SH3PXD2B: variants seen among roughly 807,000 people sequenced by gnomAD.
SH3PXD2B encodes the protein SH3 and PX domain-containing protein 2B.
In SH3PXD2B, 37 loss-of-function variants were observed where a neutral mutation model predicts 73.1. The observed-to-expected ratio is 0.51, with a 90% CI of 0.39 to 0.67. The LOEUF (loss-of-function observed/expected upper bound fraction) is 0.67. SH3PXD2B is among the 30% of genes least tolerant of loss of function. The probability of loss-of-function intolerance (pLI) is 0.00; values close to 1 mark genes in which losing one functional copy is unlikely to be tolerated. For synonymous variants in SH3PXD2B, 457 were observed against 480.5 expected (o/e 0.95, Z 0.64); for missense variants, 1,053 against 1,197.8 (o/e 0.88, Z 1.78).
chr5:172,383,437 T>C (rs183547582), intron 4 of SH3PXD2B, among the ~76,000 whole-genome samples: 112 of 152,348 alleles, frequency 7.4e-4, no homozygotes, highest in Non-Finnish European at 1.3e-3. Flanking sequence ...CTAGTTTCTG[T>C]GCCAAATACA....
rs1001293943 is a variant in SH3PXD2B at position 172,338,143 on chromosome 5, G to A, written c.*226C>T. On this transcript the variant is annotated 3_prime_UTR_variant, in exon 13 of 13. Coordinates refer to ENST00000311601, the MANE Select transcript of SH3PXD2B (RefSeq NM_001017995.3). The surrounding 1 kb of genome is among the most constrained non-coding windows in gnomAD (Gnocchi z 5.1). ...ATGCTGACATGGACAGAAAGCAAAG[G>A]CTGTGGGTTCTGAGCCTCCAGTGAT... 1.4e-6 allele frequency: 2 copies of A among 1,438,398 alleles called. No individual in the cohort carries two copies. The highest frequency in any genetic ancestry group is 1.8e-6 in the Non-Finnish European group (2 of 1,102,194). The allele number at this position is 1,438,398 out of a possible 1,614,324, so 89.1% of individuals were successfully genotyped here. A position where few individuals can be genotyped will look rare whatever the true frequency, so the allele number is the denominator to read the frequency against.
chr5:172,353,620 A>G lies in SH3PXD2B; in HGVS notation c.785+268T>C, dbSNP rs1757206244. Among the ~76,000 whole-genome samples, 1 of 152,224 alleles carries G rather than the reference A, an allele frequency of 6.6e-6. No individual in the cohort carries two copies. The highest frequency in any genetic ancestry group is 2.1e-4 in the South Asian group (1 of 4,828). ...CATTATGAGAAACATCTGGAGGTGG[A>G]AACCAGCCTTGCTTAATGGGGTTGC... On this transcript the variant is annotated intron_variant, in intron 9 of 12. Transcript: ENST00000311601. This position sits in a 1 kb window ranked among gnomAD's most constrained non-coding sequence, Gnocchi z 4.3.
rs554829716 is a variant in SH3PXD2B at position 172,406,807 on chromosome 5, C to G, written c.157-455G>C. ...ACCCAGGAAGAATTCTTCAGGTCGG[C>G]TCAACAGATAGCTTTGGGCCTGGCT... On this transcript the variant is annotated intron_variant, in intron 2 of 12. Coordinates refer to ENST00000311601, the MANE Select transcript of SH3PXD2B (RefSeq NM_001017995.3). Among the ~76,000 whole-genome samples the G allele has an allele frequency of 2.0e-5, 3 of 152,266 alleles. No homozygotes were observed. In the East Asian group the frequency reaches 5.8e-4, roughly 29 times the overall value.
intron 1 of SH3PXD2B, among the ~76,000 whole-genome samples, chr5:172,449,528 T>A (rs1026800724): frequency 3.9e-5 from 6 of 151,910 alleles, no homozygotes; most frequent in Non-Finnish European, 8.8e-5. Context: ...TATAAATAAA[T>A]CCCGCCAATC....
intron 2 of SH3PXD2B, among the ~76,000 whole-genome samples, chr5:172,413,194 G>A (rs1456651271): frequency 1.3e-5 from 2 of 152,256 alleles, no homozygotes; most frequent in African/African-American, 2.4e-5. Flanking sequence ...CAGGCTGGCA[G>A]AAAGCCACAA....
At chr5:172,327,709 T>G (rs2339424) in intron 12 of SH3PXD2B, among the ~76,000 whole-genome samples, 3 of 150,604 alleles carry the variant, frequency 2.0e-5, no homozygotes, top group Non-Finnish European at 4.4e-5. Context: ...CTGTCTCAGC[T>G]TCCTGAGTAT....
chr5:172,406,735 A>T (rs543057021), intron 2 of SH3PXD2B, among the ~76,000 whole-genome samples: 2 of 152,256 alleles, frequency 1.3e-5, no homozygotes, highest in East Asian at 3.9e-4. Context: ...ATTAGCATCC[A>T]ATCAATGTGG....
chr5:172,443,591 T>C (rs1759595780), intron 1 of SH3PXD2B, among the ~76,000 whole-genome samples: 1 of 152,200 alleles, frequency 6.6e-6, no homozygotes, highest in Non-Finnish European at 1.5e-5. Flanking sequence ...AGACTGTGCT[T>C]GGTCATCTTA....
chr5:172,414,636 C>T (rs1049425250), intron 2 of SH3PXD2B, among the ~76,000 whole-genome samples: 1 of 152,124 alleles, frequency 6.6e-6, no homozygotes, highest in African/African-American at 2.4e-5. Flanking sequence ...GAGCCGTAAG[C>T]CCCTGAGCCT....
Position 172,439,258 on chromosome 5 carries a change from A to AC in SH3PXD2B, c.75+15019_75+15020insG, listed in dbSNP as rs1382688288. 2.1e-4 allele frequency among the ~76,000 whole-genome samples: 18 copies of AC among 85,696 alleles called. 1 individual carries two copies. The highest frequency in any genetic ancestry group is 7.0e-4 in the African/African-American group (14 of 20,074). 56.2% of individuals were successfully genotyped at this position (85,696 alleles called of 152,430 possible). ...AAACAGAAAAAAAAAAAAGAAAAAA[A>AC]AAAAACAAAAACAAAAACAAAACAA... On this transcript the variant is annotated intron_variant, in intron 1 of 12. Coordinates refer to ENST00000311601, the MANE Select transcript of SH3PXD2B (RefSeq NM_001017995.3).
chr5:172,408,212 C>A (rs1251075429), intron 2 of SH3PXD2B, among the ~76,000 whole-genome samples: 1 of 151,396 alleles, frequency 6.6e-6, no homozygotes, highest in Admixed American at 6.6e-5. Flanking sequence ...TAATCTTTAT[C>A]GTTTCAAAGA....
intron 1 of SH3PXD2B, among the ~76,000 whole-genome samples, chr5:172,449,008 C>T (rs1235288625): frequency 2.6e-5 from 4 of 152,192 alleles, no homozygotes; most frequent in African/African-American, 4.8e-5. Context: ...ACTGAGAATG[C>T]CAGTAATGCC....
At chr5:172,376,108 C>A (rs1757816472) in intron 5 of SH3PXD2B, among the ~76,000 whole-genome samples, 1 of 151,008 alleles carries the variant, frequency 6.6e-6, no homozygotes, top group South Asian at 2.1e-4. Flanking sequence ...TGGCTCACTG[C>A]AACCTCTGCC....
Position 172,447,841 on chromosome 5 carries a change from T to G in SH3PXD2B, c.75+6437A>C, listed in dbSNP as rs189131673. Among the ~76,000 whole-genome samples, 13 of 149,778 alleles carry G rather than the reference T, an allele frequency of 8.7e-5. No individual in the cohort carries two copies. In the East Asian group the frequency reaches 2.6e-3, roughly 30 times the overall value. ...AGGCTGGGACTTCTCCCATTGAGGA[T>G]GACCGGCCAGGTGAGCTGAGGGGCT... On this transcript the variant is annotated intron_variant, in intron 1 of 12. Transcript: ENST00000311601.
intron 8 of SH3PXD2B, among the ~76,000 whole-genome samples, chr5:172,354,513 A>C (rs546593165): frequency 2.6e-5 from 4 of 152,230 alleles, no homozygotes; most frequent in African/African-American, 9.6e-5. Flanking sequence ...ATGTTTAGCA[A>C]ATCAGTCAAT....
chr5:172,335,105 A>C lies in SH3PXD2B; in HGVS notation c.*3264T>G, dbSNP rs566079884. 7.1e-6 allele frequency: 7 copies of C among 985,934 alleles called. No homozygotes were observed. In the South Asian group the frequency reaches 2.8e-4, roughly 40 times the overall value. 61.1% of individuals were successfully genotyped at this position (985,934 alleles called of 1,614,324 possible). A position where few individuals can be genotyped will look rare whatever the true frequency, so the allele number is the denominator to read the frequency against. ...AAGATTCCGAGCAGAACATGTGAGC[A>C]AAGGCCTCTTTTATCAAGAGGTGGT... On this transcript the variant is annotated 3_prime_UTR_variant, in exon 13 of 13. Transcript: ENST00000311601.
intron 1 of SH3PXD2B, among the ~76,000 whole-genome samples, chr5:172,446,880 C>T (rs954120605): frequency 2.0e-5 from 3 of 152,370 alleles, no homozygotes; most frequent in Middle Eastern, 6.8e-3. Flanking sequence ...TCTGCCCAGA[C>T]CTTCCCTCGT....
At chr5:172,344,290 T>C (rs558334566) in intron 12 of SH3PXD2B, among the ~76,000 whole-genome samples, 1 of 152,140 alleles carries the variant, frequency 6.6e-6, no homozygotes, top group East Asian at 1.9e-4. Flanking sequence ...GGATCTATCA[T>C]AAGAAAACAA....
chr5:172,412,920 G>C (rs563984557), intron 2 of SH3PXD2B, among the ~76,000 whole-genome samples: 1 of 152,216 alleles, frequency 6.6e-6, no homozygotes, highest in South Asian at 2.1e-4. Context: ...GTCACATCAA[G>C]TTGCCACATC....
Sources: gnomAD v4.1 joint callset for allele counts (sites outside exome capture counted in the v4.1 genomes callset) on GRCh38, gnomAD v4.1.1 for gene constraint, Gnocchi (gnomAD v3.1) non-coding constraint, MANE v1.5 for transcripts, NCBI Gene and HGNC (gene_info 2026-07-23, HGNC 2026-07-21) for gene names.